TRIM34: variants seen among roughly 807,000 people sequenced by gnomAD.
TRIM34 encodes the protein tripartite motif containing 34.
Under a neutral mutation model 38.1 loss-of-function variants are expected in TRIM34, and 41 were observed. The ratio of observed to expected loss-of-function variants is 1.08; its 90% CI spans 0.84 to 1.40. TRIM34 has a LOEUF of 1.40. Ranked by LOEUF, TRIM34 falls within the 40% of genes most tolerant of loss-of-function variation. TRIM34 has a pLI of 0.00. For missense variants in TRIM34, 556 were observed against 571.4 expected (o/e 0.97, Z 0.27); for synonymous variants, 200 against 202.5 (o/e 0.99, Z 0.10).
chr11:5,632,651 T>C lies in TRIM34; in HGVS notation c.320T>C (p.Phe107Ser), dbSNP rs1232259158. ...CDHHGEKLLL[F>S]CKEDRKVICW... ...CATCATGGAGAGAAACTCCTACTCT[T>C]CTGTAAGGAGGATAGGAAAGTCATT... Residue 107 changes from phenylalanine (F) to serine (S), a missense_variant, in exon 2 of 8, where the codon TTC becomes TCC. Physicochemically the swap from Phe to Ser is radical, Grantham distance 155. Transcript: ENST00000429814. 1 of 1,612,670 alleles carries C rather than the reference T, an allele frequency of 6.2e-7. No homozygotes were observed. Among genetic ancestry groups the C allele is most frequent in the Admixed American group, 1.7e-5 (1 of 59,766 alleles).
rs58134807 is a variant in TRIM34, at chr11:5,639,679, CAAAAAAAAAAAA to C, written c.751-1471_751-1460del. On this transcript the variant is annotated intron_variant, in intron 4 of 7. Coordinates refer to ENST00000429814, the MANE Select transcript of TRIM34 (RefSeq NM_021616.6). ...TGGGTGACAGAGTGAGACTCTATTTCAAAAAAAAAAAAAAAAAAAAAAAAAAAAGATTGGAAG... is the reference window on the plus strand; with the variant it reads ...TGGGTGACAGAGTGAGACTCTATTTCAAAAAAAAAAAAAAAAGATTGGAAG... Among the ~76,000 whole-genome samples, 181 of 51,144 alleles carry C rather than the reference CAAAAAAAAAAAA, an allele frequency of 3.5e-3. 2 individuals are homozygous for C. Among genetic ancestry groups the C allele is most frequent in the South Asian group, 4.6e-3 (4 of 870 alleles). The allele number at this position is 51,144 out of a possible 152,430, so 33.6% of individuals were successfully genotyped here. A position where few individuals can be genotyped will look rare whatever the true frequency, so the allele number is the denominator to read the frequency against.
At chr11:5,629,167 C>G (rs1363122856) in intron 1 of TRIM34, among the ~76,000 whole-genome samples, 1 of 152,148 alleles carries the variant, frequency 6.6e-6, no homozygotes, top group African/African-American at 2.4e-5. Flanking sequence ...ATCCCAGCTA[C>G]TCAGGAGACT....
chr11:5,633,514 T>C (rs77850368), intron 2 of TRIM34, among the ~76,000 whole-genome samples: 2,880 of 152,306 alleles, frequency 0.019, 90 homozygotes, highest in African/African-American at 0.066. Flanking sequence ...GTGGATTGAA[T>C]GAGGAAAGAG....
chr11:5,639,679 C>CAAAAAAAAAA lies in TRIM34; in HGVS notation c.751-1469_751-1460dup, dbSNP rs58134807. ...TGGGTGACAGAGTGAGACTCTATTT[C>CAAAAAAAAAA]AAAAAAAAAAAAAAAAAAAAAAAAA... On this transcript the variant is annotated intron_variant, in intron 4 of 7. Transcript: ENST00000429814. 6.6e-4 allele frequency among the ~76,000 whole-genome samples: 34 copies of CAAAAAAAAAA among 51,140 alleles called. 6 individuals are homozygous for CAAAAAAAAAA. Among genetic ancestry groups the CAAAAAAAAAA allele is most frequent in the African/African-American group, 2.4e-3 (27 of 11,474 alleles). 33.5% of individuals were successfully genotyped at this position (51,140 alleles called of 152,430 possible).
intron 4 of TRIM34, among the ~76,000 whole-genome samples, chr11:5,640,357 T>C (rs1849954715): frequency 6.6e-6 from 1 of 152,214 alleles, no homozygotes; most frequent in African/African-American, 2.4e-5. Flanking sequence ...TGCTGAATTT[T>C]GCTGAATGCT....
chr11:5,632,667 G>A lies in TRIM34; in HGVS notation c.336G>A (p.Arg112=). 1 of 1,612,810 alleles carries A rather than the reference G, an allele frequency of 6.2e-7. No homozygotes were observed. The highest frequency in any genetic ancestry group is 8.5e-7 in the Non-Finnish European group (1 of 1,179,834). ...EKLLLFCKED[R]KVICWLCERS... is the part of the protein sequence containing the mutation. ...TCCTACTCTTCTGTAAGGAGGATAG[G>A]AAAGTCATTTGCTGGCTTTGTGAGC... The change falls in exon 2 of 8, where the codon AGG becomes AGA. Residue 112 remains arginine (R), a synonymous_variant. Coordinates refer to ENST00000429814, the MANE Select transcript of TRIM34 (RefSeq NM_021616.6).
intron 4 of TRIM34, among the ~76,000 whole-genome samples, chr11:5,638,883 T>A (rs1564888882): frequency 6.6e-6 from 1 of 152,200 alleles, no homozygotes; most frequent in Admixed American, 6.5e-5. Flanking sequence ...TCAGAGTAAC[T>A]ATCAGACCAA....
intron 4 of TRIM34, among the ~76,000 whole-genome samples, chr11:5,635,254 ATTTT>A (rs35208771): frequency 5.5e-5 from 7 of 128,312 alleles, no homozygotes; most frequent in East Asian, 2.2e-4. Context: ...TTCCCTGTTA[ATTTT>A]TTTTTTTTTT....
chr11:5,643,126 T>TAGATAGA lies in TRIM34; in HGVS notation c.902-18_902-17insAGATAGA, dbSNP rs59472811. On this transcript the variant is annotated splice_polypyrimidine_tract_variant and intron_variant, in intron 7 of 7. Transcript: ENST00000429814. ...TTATATTCATATACATATATATATA[T>TAGATAGA]TTTTTTTTTTCTTGCAGTGGATGTC... 8 of 1,116,266 alleles carry TAGATAGA rather than the reference T, an allele frequency of 7.2e-6. 1 individual carries two copies. In the African/African-American group the frequency reaches 8.9e-5, roughly 12 times the overall value. The allele number at this position is 1,116,266 out of a possible 1,614,324, so 69.1% of individuals were successfully genotyped here.
At chr11:5,629,672 G>A (rs754881632) in intron 1 of TRIM34, among the ~76,000 whole-genome samples, 1 of 152,182 alleles carries the variant, frequency 6.6e-6, no homozygotes, top group African/African-American at 2.4e-5. Flanking sequence ...CATGCAGACA[G>A]GGCCGCTTCA....
chr11:5,635,117 A>C (rs991975349), intron 4 of TRIM34, among the ~76,000 whole-genome samples: 11 of 152,192 alleles, frequency 7.2e-5, no homozygotes, highest in Non-Finnish European at 1.5e-4. Flanking sequence ...AGTGTCAAGC[A>C]TTCATCAGAC....
rs779326424 is a variant in TRIM34, at chr11:5,642,429, A to G, written c.797A>G (p.Lys266Arg). ...AGGAGTGAGATCTGGAGGCTGAAAA[A>G]GCCAAAAATGGTTTCCAAGAAACTG... is the stretch of plus-strand genomic sequence containing the variant. ...MKWSEIWRLKKPKMVSKKLKT... is the reference protein window; with the variant it reads ...MKWSEIWRLKRPKMVSKKLKT... Residue 266 changes from lysine (K) to arginine (R), a missense_variant, in exon 6 of 8, where the codon AAG becomes AGG. Physicochemically the swap from Lys to Arg is conservative, Grantham distance 26. Transcript: ENST00000429814. 63 of 1,613,528 alleles carry G rather than the reference A, an allele frequency of 3.9e-5. No individual in the cohort carries two copies. The highest frequency in any genetic ancestry group is 3.6e-4 in the Middle Eastern group (2 of 5,548).
chr11:5,631,001 C>T (rs1029539143), intron 1 of TRIM34, among the ~76,000 whole-genome samples: 5 of 152,228 alleles, frequency 3.3e-5, no homozygotes, highest in Non-Finnish European at 5.9e-5. Flanking sequence ...CTTCATCGCT[C>T]CTAAATGTGG....
At chr11:5,627,068 T>G (rs1274947214) in intron 1 of TRIM34, among the ~76,000 whole-genome samples, 1 of 151,936 alleles carries the variant, frequency 6.6e-6, no homozygotes, top group Non-Finnish European at 1.5e-5. Flanking sequence ...AGAACAGAGA[T>G]GAGAGCAGAG....
rs115807872 is a variant in TRIM34, at chr11:5,641,844, T to C, written c.774-562T>C. ...AAAATTCTAACCATTTTTAGTTAGG[T>C]TGTCATAACTTCTCCTTTGCCGAGT... On this transcript the variant is annotated intron_variant, in intron 5 of 7. Transcript: ENST00000429814. Among the ~76,000 whole-genome samples the C allele has an allele frequency of 3.5e-3, 528 of 152,294 alleles. 6 individuals carry two copies. The highest frequency in any genetic ancestry group is 0.012 in the African/African-American group (509 of 41,568).
At position 5,632,344 on chromosome 11, in the gene TRIM34, A is replaced by C. The variant is rs776016986; in HGVS notation, c.13A>C (p.Ile5Leu). 1.2e-6 allele frequency: 2 copies of C among 1,613,984 alleles called. No individual in the cohort carries two copies. Among genetic ancestry groups the C allele is most frequent in the East Asian group, 2.2e-5 (1 of 44,868 alleles). Residue 5 changes from isoleucine to leucine, a missense_variant, in exon 2 of 8, where the codon ATC (isoleucine) becomes CTC (leucine). By Grantham distance (5) the Ile-to-Leu change is conservative (BLOSUM62 2). Transcript: ENST00000429814. ...GGGAAGCAGTGCAATGGCTTCAAAA[A>C]TCTTGCTTAACGTACAAGAGGAGGT... Reference protein sequence around the residue: MASKILLNVQEEVTC... With the variant: MASKLLLNVQEEVTC...
Position 5,634,775 on chromosome 11 carries a change from G to A in TRIM34, c.664G>A (p.Glu222Lys), listed in dbSNP as rs1849658344. 2 of 1,613,926 alleles carry A rather than the reference G, an allele frequency of 1.2e-6. No individual in the cohort carries two copies. Among genetic ancestry groups the A allele is most frequent in the South Asian group, 2.2e-5 (2 of 91,062 alleles). ...TLDKFAEAED[E>K]LVQQKQLVRE... The stretch of plus-strand genomic sequence containing the variant: ...GGATAAGTTTGCAGAGGCTGAGGAT[G>A]AGCTAGTTCAGCAGAAGCAGTTGGT... The change falls in exon 4 of 8, where the codon GAG becomes AAG. Residue 222 changes from glutamate (E) to lysine (K), a missense_variant. Glu to Lys is a moderately conservative substitution (Grantham distance 56). Coordinates refer to ENST00000429814, the MANE Select transcript of TRIM34 (RefSeq NM_021616.6).
intron 1 of TRIM34, among the ~76,000 whole-genome samples, chr11:5,630,161 G>C (rs1221722003): frequency 6.6e-6 from 1 of 152,126 alleles, no homozygotes; most frequent in African/African-American, 2.4e-5. Context: ...TTTGTTACAA[G>C]AGTCTCAATC....
chr11:5,623,612 C>A (rs1387760191), upstream of TRIM34, among the ~76,000 whole-genome samples: 1 of 150,108 alleles, frequency 6.7e-6, no homozygotes, highest in East Asian at 2.0e-4. Context: ...GAACTCCTGA[C>A]CTTGTGATCC....
Sources: allele counts gnomAD v4.1 joint callset (sites outside exome capture counted in the v4.1 genomes callset), GRCh38; gene constraint gnomAD v4.1.1; transcripts MANE v1.5; gene names NCBI Gene and HGNC (gene_info 2026-07-23, HGNC 2026-07-21).